LRIG1: variants seen among roughly 807,000 people sequenced by gnomAD.
LRIG1 encodes the protein leucine rich repeats and immunoglobulin like domains 1, also known as leucine-rich repeats and immunoglobulin-like domains protein 1.
A neutral mutation model predicts 99.2 loss-of-function variants in LRIG1; 48 were observed. The observed-to-expected ratio is 0.48, with a 90% CI of 0.38 to 0.62. The LOEUF (loss-of-function observed/expected upper bound fraction) is 0.62, where lower values mean the gene tolerates loss of function less well. LRIG1 is among the 20% of genes least tolerant of loss of function. The probability of loss-of-function intolerance (pLI) is 0.00; values close to 1 mark genes in which losing one functional copy is unlikely to be tolerated. For synonymous variants in LRIG1, 772 were observed against 596.1 expected, an observed-to-expected ratio of 1.29 and a Z score of -4.30; for missense variants, 1,646 against 1,434.4, an observed-to-expected ratio of 1.15 and a Z score of -2.38.
intron 1 of LRIG1, among the ~76,000 whole-genome samples, chr3:66,493,864 GAAGA>G (rs1701162275): frequency 8.0e-6 from 1 of 124,816 alleles, no homozygotes; most frequent in African/African-American, 2.9e-5. Flanking sequence ...AGAAAGAAAG[GAAGA>G]AAGACGAAGG....
At chr3:66,409,583 G>A (rs549709322) in intron 7 of LRIG1, among the ~76,000 whole-genome samples, 3 of 152,334 alleles carry the variant, frequency 2.0e-5, no homozygotes, top group South Asian at 2.1e-4. Flanking sequence ...AGGCCACTGC[G>A]GTGCAAAACA....
At chr3:66,401,088 AGGGGCAAAC>A (rs1483410069) in intron 9 of LRIG1, among the ~76,000 whole-genome samples, 1 of 152,220 alleles carries the variant, frequency 6.6e-6, no homozygotes, top group African/African-American at 2.4e-5. Flanking sequence ...CGGACGGTGA[AGGGGCAAAC>A]GGGCCAGAGA....
At position 66,399,015 on chromosome 3, in the gene LRIG1, G is replaced by C; in HGVS notation, c.1187C>G (p.Ser396Cys). The part of the protein sequence containing the change: ...KLTLFGNKIK[S>C]VAKRAFSGLE... ...CCCCGAGAATGCTCTCTTAGCCACAGACTTGATCTTGTTTCCAAACAGAGT... is the reference window on the plus strand; with the variant it reads ...CCCCGAGAATGCTCTCTTAGCCACACACTTGATCTTGTTTCCAAACAGAGT... The change falls in exon 10 of 19, where the codon TCT becomes TGT. Residue 396 changes from serine (S) to cysteine (C), a missense_variant. By Grantham distance (112) the Ser-to-Cys change is moderately radical (BLOSUM62 -1). Coordinates refer to ENST00000273261, the MANE Select transcript of LRIG1 (RefSeq NM_015541.3). 1 of 1,614,192 alleles carries C rather than the reference G, an allele frequency of 6.2e-7. No individual in the cohort carries two copies. Among genetic ancestry groups the C allele is most frequent in the Non-Finnish European group, 8.5e-7 (1 of 1,180,022 alleles).
intron 7 of LRIG1, 138 bp from the exon 8 acceptor site, chr3:66,407,629 A>ACACACACC (rs1702322550): frequency 1.1e-5 from 9 of 847,312 alleles, no homozygotes; most frequent in South Asian, 5.0e-5. Flanking sequence ...GCGTGCACAC[A>ACACACACC]CACACCCACA....
chr3:66,482,368 T>C (rs1700870985), intron 1 of LRIG1, among the ~76,000 whole-genome samples: 1 of 152,226 alleles, frequency 6.6e-6, no homozygotes, highest in Non-Finnish European at 1.5e-5. Flanking sequence ...GATGATGTAC[T>C]GGGCTGAGCA....
intron 1 of LRIG1, among the ~76,000 whole-genome samples, chr3:66,484,476 A>G (rs1444338851): frequency 1.3e-5 from 2 of 152,196 alleles, no homozygotes; most frequent in Non-Finnish European, 2.9e-5. Flanking sequence ...ATCTAACTTA[A>G]AGGGAACGTC....
At chr3:66,489,351 C>T (rs530399149) in intron 1 of LRIG1, among the ~76,000 whole-genome samples, 111 of 152,248 alleles carry the variant, frequency 7.3e-4, no homozygotes, top group African/African-American at 2.6e-3. Flanking sequence ...CAGCAAGATC[C>T]CATCTTCACA....
intron 3 of LRIG1, among the ~76,000 whole-genome samples, chr3:66,430,039 A>G (rs1474094827): frequency 6.6e-6 from 1 of 152,224 alleles, no homozygotes. Flanking sequence ...AGCCCCCAGA[A>G]TAACGCTTAG....
intron 2 of LRIG1, among the ~76,000 whole-genome samples, chr3:66,458,838 G>T (rs1700289006): frequency 6.6e-6 from 1 of 152,054 alleles, no homozygotes; most frequent in Admixed American, 6.5e-5. Flanking sequence ...CCAACATGGT[G>T]AAATCTCATC....
rs900220742 is a variant in LRIG1, at chr3:66,414,982, C to T, written c.585G>A (p.Leu195=). ...GAAGCTGGGTGATCCTGTTTTTGCT[C>T]AGGCGAAGAGTTAGCAGCGACCGTG... ...GLSRSLLTLR[L]SKNRITQLPV... Residue 195 remains leucine (L), a synonymous_variant, in exon 5 of 19, where the codon CTG becomes CTA. Transcript: ENST00000273261. 2.5e-6 allele frequency: 4 copies of T among 1,612,200 alleles called. No individual in the cohort carries two copies. The highest frequency in any genetic ancestry group is 3.3e-5 in the Admixed American group (2 of 59,706).
At chr3:66,496,501 T>C (rs1384454303) in intron 1 of LRIG1, among the ~76,000 whole-genome samples, 3 of 152,166 alleles carry the variant, frequency 2.0e-5, no homozygotes, top group Non-Finnish European at 4.4e-5. Context: ...GGGAAGACAC[T>C]TGTTGCAAAA....
At chr3:66,458,190 G>T (rs1276173424) in intron 2 of LRIG1, among the ~76,000 whole-genome samples, 1 of 152,048 alleles carries the variant, frequency 6.6e-6, no homozygotes, top group East Asian at 1.9e-4. Context: ...AACATGGCAC[G>T]CTGAAGCCTC....
intron 3 of LRIG1, among the ~76,000 whole-genome samples, chr3:66,437,560 A>C (rs1703401975): frequency 6.6e-6 from 1 of 152,150 alleles, no homozygotes; most frequent in South Asian, 2.1e-4. Flanking sequence ...AACGTGCCCA[A>C]GCCTGTCTCT....
chr3:66,484,221 G>T (rs1700916831), intron 1 of LRIG1, among the ~76,000 whole-genome samples: 1 of 152,104 alleles, frequency 6.6e-6, no homozygotes, highest in Admixed American at 6.5e-5. Context: ...ATCTGGCAGA[G>T]GTATTTCCAC....
intron 1 of LRIG1, among the ~76,000 whole-genome samples, chr3:66,465,357 ATTTTTTT>A (rs59148647): frequency 5.9e-5 from 4 of 67,726 alleles, no homozygotes; most frequent in African/African-American, 1.5e-4. Flanking sequence ...TCTGAGCATA[ATTTTTTT>A]TTTTTTTTTT....
intron 13 of LRIG1, among the ~76,000 whole-genome samples, chr3:66,385,511 G>A (rs1701329523): frequency 6.6e-6 from 1 of 152,218 alleles, no homozygotes; most frequent in Non-Finnish European, 1.5e-5. Context: ...GGAATGCAGT[G>A]GAGTGATCTC....
At chr3:66,486,863 A>G (rs1700986305) in intron 1 of LRIG1, among the ~76,000 whole-genome samples, 1 of 152,182 alleles carries the variant, frequency 6.6e-6, no homozygotes, top group Non-Finnish European at 1.5e-5. Context: ...ATTTCCCAAT[A>G]TATAACTCCC....
intron 2 of LRIG1, among the ~76,000 whole-genome samples, chr3:66,454,058 G>A (rs1217361848): frequency 6.6e-6 from 1 of 152,174 alleles, no homozygotes; most frequent in African/African-American, 2.4e-5. Flanking sequence ...GAGCAGGCCC[G>A]AGTCAAGGGC....
chr3:66,392,848 A>G (rs1233934261), intron 12 of LRIG1, among the ~76,000 whole-genome samples: 1 of 152,214 alleles, frequency 6.6e-6, no homozygotes, highest in African/African-American at 2.4e-5. Flanking sequence ...TGGGCCAATG[A>G]ACAATGGATT....
Sources: gnomAD v4.1 joint callset for allele counts (sites outside exome capture counted in the v4.1 genomes callset) on GRCh38, gnomAD v4.1.1 for gene constraint, MANE v1.5 for transcripts, NCBI Gene and HGNC (gene_info 2026-07-23, HGNC 2026-07-21) for gene names.